The following HTT-AS variants were observed in gnomAD, a reference collection of about 807,000 sequenced individuals.
HTT-AS encodes HTT antisense RNA, also known as HTT antisense RNA (head to head).
At chr4:3,046,848 T>A (rs1711593196), downstream of HTT-AS, among the ~76,000 whole-genome samples, 1 of 152,228 alleles carries the variant, frequency 6.6e-6, no homozygotes, top group Non-Finnish European at 1.5e-5. Context: ...ACATAGTGCA[T>A]GAGCTCAGTC....
At chr4:3,070,315 G>C (rs1712143459) in intron 1 of HTT-AS, 2 of 149,690 alleles carry the variant, frequency 1.3e-5, no homozygotes, top group African/African-American at 5.0e-5. Context: ...TTTTGAGACA[G>C]AGTCTTGCTC....
At chr4:3,071,614 T>G (rs1252497570) in intron 1 of HTT-AS, among the ~76,000 whole-genome samples, 1 of 152,136 alleles carries the variant, frequency 6.6e-6, no homozygotes, top group Non-Finnish European at 1.5e-5. Flanking sequence ...TATTACTTAT[T>G]GTTATGGGAC....
chr4:3,059,319 G>C (rs1243754043), intron 2 of HTT-AS, among the ~76,000 whole-genome samples: 2 of 152,002 alleles, frequency 1.3e-5, no homozygotes, highest in Non-Finnish European at 2.9e-5. Flanking sequence ...CCATAAATTT[G>C]CTTTGACCAC....
chr4:3,070,504 G>A (rs61792460), intron 1 of HTT-AS, among the ~76,000 whole-genome samples: 14,115 of 152,096 alleles, frequency 0.093, 1,037 homozygotes, highest in African/African-American at 0.21. Context: ...TTGGTCAGGC[G>A]GACTTGAACT....
chr4:3,066,934 A>T (rs1712067756), intron 1 of HTT-AS, among the ~76,000 whole-genome samples: 1 of 152,232 alleles, frequency 6.6e-6, no homozygotes, highest in Admixed American at 6.5e-5. Flanking sequence ...GTGTCTAGAT[A>T]ATGGAGATAT....
chr4:3,054,710 T>TTTTC (rs112235951), intron 2 of HTT-AS, among the ~76,000 whole-genome samples: 10,031 of 151,770 alleles, frequency 0.066, 666 homozygotes, highest in African/African-American at 0.17. Context: ...CAGGGTTTTC[T>TTTTC]TTTCTTTCTA....
intron 2 of HTT-AS, among the ~76,000 whole-genome samples, chr4:3,052,238 C>T (rs1445828529): frequency 6.6e-6 from 1 of 152,142 alleles, no homozygotes; most frequent in African/African-American, 2.4e-5. Flanking sequence ...CTTGAATTGC[C>T]TTTCTCAGAG....
downstream of HTT-AS, among the ~76,000 whole-genome samples, chr4:3,048,215 G>T (rs1292505064): frequency 6.6e-6 from 1 of 152,166 alleles, no homozygotes; most frequent in African/African-American, 2.4e-5. Flanking sequence ...AGTAGGGCTG[G>T]ACCCTACAGG....
At chr4:3,062,493 C>T (rs1001738204) in exon 2 of HTT-AS, among the ~76,000 whole-genome samples, 51 of 152,248 alleles carry the variant, frequency 3.3e-4, no homozygotes, top group African/African-American at 7.2e-4. Flanking sequence ...ATGTGATGAG[C>T]GCCCCCAGGT....
chr4:3,056,494 T>G (rs1711806463), intron 2 of HTT-AS, among the ~76,000 whole-genome samples: 1 of 152,150 alleles, frequency 6.6e-6, no homozygotes, highest in African/African-American at 2.4e-5. Context: ...ACAGTTTCAA[T>G]CTTGTCTACC....
At chr4:3,066,469 G>A (rs905517315) in intron 1 of HTT-AS, among the ~76,000 whole-genome samples, 1 of 152,116 alleles carries the variant, frequency 6.6e-6, no homozygotes, top group African/African-American at 2.4e-5. Context: ...TGCCCCGTCT[G>A]AGCTAAGCCT....
chr4:3,066,102 C>A (rs1712047024), intron 1 of HTT-AS, among the ~76,000 whole-genome samples: 1 of 152,158 alleles, frequency 6.6e-6, no homozygotes, highest in Admixed American at 6.5e-5. Flanking sequence ...GAGAGAGAGG[C>A]CAAACACCAG....
At chr4:3,063,062 C>T (rs1489089763) in exon 2 of HTT-AS, among the ~76,000 whole-genome samples, 3 of 152,066 alleles carry the variant, frequency 2.0e-5, no homozygotes, top group African/African-American at 2.4e-5. Flanking sequence ...GTCGGAGACA[C>T]GACGTAGCCT....
chr4:3,062,743 G>A (rs879760753), exon 2 of HTT-AS, among the ~76,000 whole-genome samples: 2 of 151,878 alleles, frequency 1.3e-5, no homozygotes, highest in Non-Finnish European at 1.5e-5. Flanking sequence ...AGACTCTTGC[G>A]GTTTCCCACG....
Position 3,054,563 on chromosome 4 carries a change from A to C in HTT-AS, n.1381-4865T>G, listed in dbSNP as rs190746641. On this transcript the variant is annotated intron_variant and non_coding_transcript_variant, in intron 2 of 2. Transcript: ENST00000664062. ...AAGGGTTTTTAAGTTAGATAAGATA[A>C]AGCTAAAAGTTTGAGCAAATTGTAG... is the stretch of plus-strand genomic sequence containing the variant. Among the ~76,000 whole-genome samples the C allele has an allele frequency of 1.3e-3, 193 of 152,346 alleles. 1 individual carries two copies. Among genetic ancestry groups the C allele is most frequent in the African/African-American group, 4.4e-3 (181 of 41,582 alleles).
At chr4:3,062,734 G>T (rs1711958373) in exon 2 of HTT-AS, among the ~76,000 whole-genome samples, 1 of 151,912 alleles carries the variant, frequency 6.6e-6, no homozygotes, top group Non-Finnish European at 1.5e-5. Context: ...CATTAGAACA[G>T]ACTCTTGCGG....
chr4:3,058,844 C>T (rs768366335), intron 2 of HTT-AS, among the ~76,000 whole-genome samples: 7 of 152,050 alleles, frequency 4.6e-5, no homozygotes, highest in Non-Finnish European at 1.0e-4. Context: ...CTCAGCCTCC[C>T]GAGTAGCTGG....
intron 2 of HTT-AS, among the ~76,000 whole-genome samples, chr4:3,050,647 T>C (rs535419201): frequency 1.2e-3 from 183 of 152,360 alleles, no homozygotes; most frequent in African/African-American, 4.2e-3. Context: ...AATTTGGTTA[T>C]TTCTATGATT....
At chr4:3,065,450 G>A (rs761563445) in intron 1 of HTT-AS, among the ~76,000 whole-genome samples, 1 of 152,080 alleles carries the variant, frequency 6.6e-6, no homozygotes, top group Non-Finnish European at 1.5e-5. Flanking sequence ...CACCATGTTG[G>A]TCAGGCTGGT....
Sources: gnomAD v4.1 joint callset for allele counts (sites outside exome capture counted in the v4.1 genomes callset) on GRCh38, gnomAD v4.1.1 for gene constraint, MANE v1.5 for transcripts, NCBI Gene and HGNC (gene_info 2026-07-23, HGNC 2026-07-21) for gene names.